NDST4: variants seen among roughly 807,000 people sequenced by gnomAD.
NDST4 encodes the protein N-heparan sulfate sulfotransferase 4.
NDST4 carries 63 observed loss-of-function variants against 100.8 expected under a neutral mutation model. The ratio of observed to expected loss-of-function variants is 0.62; its 90% CI spans 0.51 to 0.77. NDST4 has a LOEUF of 0.77. NDST4 is among the 30% of genes least tolerant of loss of function. The pLI is 0.00. For synonymous variants in NDST4, 377 were observed against 361.8 expected (o/e 1.04, Z -0.48); for missense variants, 943 against 1,018.4 (o/e 0.93, Z 1.01).
chr4:114,847,332 C>T (rs1486568499), intron 9 of NDST4, among the ~76,000 whole-genome samples: 2 of 117,958 alleles, frequency 1.7e-5, no homozygotes, highest in Non-Finnish European at 3.1e-5. Flanking sequence ...GCCGAGATCC[C>T]GCCACTGCAC....
intron 10 of NDST4, among the ~76,000 whole-genome samples, chr4:114,842,414 G>A (rs72893317): frequency 0.11 from 16,448 of 151,160 alleles, 930 homozygotes; most frequent in Middle Eastern, 0.15. Context: ...TTCAACCCAG[G>A]GATTCTCAAA....
intron 4 of NDST4, among the ~76,000 whole-genome samples, chr4:114,941,293 T>A (rs556907821): frequency 3.9e-5 from 6 of 152,174 alleles, no homozygotes; most frequent in Non-Finnish European, 7.4e-5. Context: ...AGATTCATCA[T>A]CTTTGCTCTT....
At chr4:115,037,114 G>A (rs1342529857) in intron 2 of NDST4, among the ~76,000 whole-genome samples, 1 of 151,990 alleles carries the variant, frequency 6.6e-6, no homozygotes, top group African/African-American at 2.4e-5. Context: ...TAAGATCAAT[G>A]AGGTTGTGAT....
intron 6 of NDST4, among the ~76,000 whole-genome samples, chr4:114,929,070 G>GTCCA (rs1264473414): frequency 1.7e-3 from 157 of 92,812 alleles, no homozygotes; most frequent in African/African-American, 3.1e-3. Context: ...CCGTCCGTCC[G>GTCCA]TCCGTCCATC....
intron 10 of NDST4, among the ~76,000 whole-genome samples, chr4:114,843,444 C>A (rs116690759): frequency 0.024 from 3,622 of 152,258 alleles, 75 homozygotes; most frequent in Non-Finnish European, 0.036. Flanking sequence ...TTTCTCAGTT[C>A]TACTTCTACT....
chr4:114,911,424 C>T (rs1428797154), intron 6 of NDST4, among the ~76,000 whole-genome samples: 2 of 152,138 alleles, frequency 1.3e-5, no homozygotes, highest in East Asian at 1.9e-4. Context: ...CAGAGGCCTG[C>T]CATGCTAATA....
At chr4:114,926,548 A>T (rs1725390907) in intron 6 of NDST4, among the ~76,000 whole-genome samples, 1 of 152,006 alleles carries the variant, frequency 6.6e-6, no homozygotes, top group African/African-American at 2.4e-5. Flanking sequence ...AGTGAGAGTC[A>T]AAATTAAAAA....
At chr4:114,852,656 T>C in intron 8 of NDST4, 69 bp downstream of exon 8, 1 of 825,050 alleles carries the variant, frequency 1.2e-6, no homozygotes, top group Non-Finnish European at 1.9e-6. Flanking sequence ...ATCTGATAAA[T>C]CCATATACCA....
intron 2 of NDST4, among the ~76,000 whole-genome samples, chr4:115,012,300 A>G (rs2126261072): frequency 1.3e-5 from 2 of 152,090 alleles, no homozygotes; most frequent in Admixed American, 1.3e-4. Flanking sequence ...TCACTGATAT[A>G]TGGGAGCTTT....
chr4:115,073,017 C>G (rs565042138), intron 2 of NDST4, among the ~76,000 whole-genome samples: 1 of 151,924 alleles, frequency 6.6e-6, no homozygotes, highest in South Asian at 2.1e-4. Flanking sequence ...AGCAAAAGGC[C>G]TGAATAAACA....
At chr4:114,891,248 A>T (rs1724590275) in intron 6 of NDST4, among the ~76,000 whole-genome samples, 1 of 151,824 alleles carries the variant, frequency 6.6e-6, no homozygotes, top group Non-Finnish European at 1.5e-5. Flanking sequence ...TTTTCCTTTT[A>T]TTTTTTTATA....
intron 2 of NDST4, among the ~76,000 whole-genome samples, chr4:115,021,906 CATAT>C (rs1466944150): frequency 6.8e-6 from 1 of 146,984 alleles, no homozygotes; most frequent in African/African-American, 2.7e-5. Flanking sequence ...ATACACATTC[CATAT>C]ATATATGTTC....
chr4:114,954,937 C>T (rs1726105917), intron 4 of NDST4, among the ~76,000 whole-genome samples: 1 of 152,118 alleles, frequency 6.6e-6, no homozygotes, highest in African/African-American at 2.4e-5. Context: ...GTGAAGACAT[C>T]TCACTACCAG....
Position 115,076,146 on chromosome 4 carries a change from T to C in NDST4, c.891A>G (p.Thr297=), listed in dbSNP as rs368954617. Residue 297 remains threonine, a synonymous_variant, in exon 2 of 14, where the codon ACA becomes ACG. Transcript: ENST00000264363. ...CAAGGATGTACCTGTCCAAGGACAA[T>C]GTCAGCCTCTTCCCTGACAAGAAGG... The part of the protein sequence containing the change: ...AISFLSGKRL[T]LSLDRYILVD... The C allele has an allele frequency of 2.5e-6, 4 of 1,613,894 alleles. No individual in the cohort carries two copies. Among genetic ancestry groups the C allele is most frequent in the Admixed American group, 1.7e-5 (1 of 59,982 alleles).
At chr4:115,046,334 G>A (rs1287525684) in intron 2 of NDST4, among the ~76,000 whole-genome samples, 1 of 152,108 alleles carries the variant, frequency 6.6e-6, no homozygotes, top group Non-Finnish European at 1.5e-5. Flanking sequence ...AGAACTTTAA[G>A]AGACTCACTT....
At chr4:114,975,050 T>C (rs1298928672) in intron 3 of NDST4, among the ~76,000 whole-genome samples, 2 of 150,606 alleles carry the variant, frequency 1.3e-5, no homozygotes, top group Non-Finnish European at 2.9e-5. Flanking sequence ...TGATTTGCAA[T>C]TGTTTTTTCT....
intron 2 of NDST4, among the ~76,000 whole-genome samples, chr4:115,046,095 G>C (rs908276548): frequency 1.3e-5 from 2 of 152,134 alleles, no homozygotes; most frequent in African/African-American, 4.8e-5. Context: ...TAGTTACACA[G>C]ATATACCTGC....
At chr4:114,970,823 T>G (rs1392983114) in intron 3 of NDST4, among the ~76,000 whole-genome samples, 1 of 152,102 alleles carries the variant, frequency 6.6e-6, no homozygotes, top group East Asian at 1.9e-4. Flanking sequence ...AATTTAGAAT[T>G]TAAGGGTATT....
At chr4:115,085,072 T>C (rs1310982896) in intron 1 of NDST4, among the ~76,000 whole-genome samples, 2 of 152,192 alleles carry the variant, frequency 1.3e-5, no homozygotes, top group African/African-American at 4.8e-5. Flanking sequence ...CCCAAGGCCA[T>C]GGGAGCCCAC....
Sources: allele counts gnomAD v4.1 joint callset (sites outside exome capture counted in the v4.1 genomes callset), GRCh38; gene constraint gnomAD v4.1.1; transcripts MANE v1.5; gene names NCBI Gene and HGNC (gene_info 2026-07-23, HGNC 2026-07-21).